The following CLDN14 variants were observed in gnomAD, a reference collection of about 807,000 sequenced individuals.
CLDN14 encodes claudin 14, also known as claudin-14.
CLDN14 carries 2 observed loss-of-function variants against 2.1 expected under a neutral mutation model. The ratio of observed to expected loss-of-function variants is 0.96; its 90% confidence interval spans 0.39 to 3.01. The LOEUF (loss-of-function observed/expected upper bound fraction) is 3.01. Among genes scored for constraint, CLDN14 ranks in the 30% most tolerant of loss-of-function variants. The pLI, the probability that CLDN14 is intolerant of heterozygous loss-of-function variation, is 0.09. For missense variants in CLDN14, 298 were observed against 328.0 expected (o/e 0.91, Z 0.71); for synonymous variants, 136 against 154.4 (o/e 0.88, Z 0.88).
In CLDN14 at chr21:36,461,342, G is replaced by A. The variant is rs2086569200; in HGVS notation, c.354C>T (p.Ala118=). The change falls in exon 2 of 2, where the codon GCC becomes GCT. Residue 118 remains alanine (A), a synonymous_variant. Transcript: ENST00000399135. The stretch of plus-strand genomic sequence containing the variant: ...GGATGAAGAGGGTGCCGCCGAGGAT[G>A]GCAAAGGTGGTCTTGGCGGGTGTGC... The part of the protein sequence containing the change: ...AKGTPAKTTF[A]ILGGTLFILA... 8 of 1,613,574 alleles carry A rather than the reference G, an allele frequency of 5.0e-6. No individual in the cohort carries two copies. The highest frequency in any genetic ancestry group is 1.1e-5 in the South Asian group (1 of 91,078).
chr21:36,478,591 A>T (rs2086805026), intron 1 of CLDN14, among the ~76,000 whole-genome samples: 1 of 152,266 alleles, frequency 6.6e-6, no homozygotes, highest in East Asian at 1.9e-4. Context: ...CGCTGAGCTC[A>T]GATGACAGCA....
chr21:36,563,817 C>A (rs2087654214), intron 1 of CLDN14, among the ~76,000 whole-genome samples: 1 of 152,132 alleles, frequency 6.6e-6, no homozygotes, highest in Non-Finnish European at 1.5e-5. Context: ...TGCGTGGTCT[C>A]CTCTGGGACC....
At chr21:36,513,294 T>C (rs1287992683) in intron 1 of CLDN14, among the ~76,000 whole-genome samples, 3 of 152,178 alleles carry the variant, frequency 2.0e-5, no homozygotes, top group African/African-American at 7.2e-5. Context: ...TTCAACAGGA[T>C]AGCACCGTTT....
At chr21:36,574,719 AT>A (rs1044521394) in intron 1 of CLDN14, among the ~76,000 whole-genome samples, 1 of 152,176 alleles carries the variant, frequency 6.6e-6, no homozygotes, top group African/African-American at 2.4e-5. Flanking sequence ...ACCTAAATTA[AT>A]TTTTTTAAGT....
chr21:36,567,150 G>C (rs1418980149), intron 1 of CLDN14, among the ~76,000 whole-genome samples: 1 of 152,180 alleles, frequency 6.6e-6, no homozygotes, highest in Admixed American at 6.5e-5. Flanking sequence ...CCAACTATTA[G>C]GCGGCTTGGA....
intron 1 of CLDN14, among the ~76,000 whole-genome samples, chr21:36,522,615 C>T (rs915862208): frequency 2.0e-5 from 3 of 152,234 alleles, no homozygotes; most frequent in South Asian, 2.1e-4. Context: ...TGCAGATGCG[C>T]GGGGGAGGTA....
At position 36,502,412 on chromosome 21, in the gene CLDN14, A is replaced by T. The variant is rs142709818; in HGVS notation, c.-82+7951T>A. 6.6e-3 allele frequency among the ~76,000 whole-genome samples: 1,001 copies of T among 152,292 alleles called. 6 individuals carry two copies. Among genetic ancestry groups the T allele is most frequent in the African/African-American group, 0.023 (943 of 41,574 alleles). ...AAGAGCATTATGCCATCTCTGTAGT[A>T]TGCTTAGGGGTCAGTCCTGAAATGA... On this transcript the variant is annotated intron_variant, in intron 2 of 2. Coordinates refer to the CLDN14 transcript ENST00000342108.
intron 1 of CLDN14, among the ~76,000 whole-genome samples, chr21:36,547,004 C>T (rs2087530366): frequency 1.3e-5 from 2 of 152,136 alleles, no homozygotes; most frequent in Admixed American, 1.3e-4. Context: ...TGCTCAATGC[C>T]CTACAACGCA....
At chr21:36,486,065 GC>G in intron 2 of CLDN14, 1 of 1,404,382 alleles carries the variant, frequency 7.1e-7, no homozygotes, top group South Asian at 1.2e-5. Flanking sequence ...GTTTCAAATG[GC>G]TTCATTGTTG....
At chr21:36,537,345 A>G (rs2087431840) in intron 1 of CLDN14, among the ~76,000 whole-genome samples, 1 of 152,216 alleles carries the variant, frequency 6.6e-6, no homozygotes, top group South Asian at 2.1e-4. Context: ...ACTGTTCTAG[A>G]TTGAAGTTGA....
chr21:36,574,845 C>T (rs1164988769), intron 1 of CLDN14, among the ~76,000 whole-genome samples: 2 of 152,032 alleles, frequency 1.3e-5, no homozygotes, highest in Admixed American at 6.5e-5. Context: ...TTTTACATCC[C>T]TGTTACATTT....
rs2087071769 is a variant in CLDN14 at position 36,499,361 on chromosome 21, T to C, written c.-82+11002A>G. Among the ~76,000 whole-genome samples, 1 of 152,216 alleles carries C rather than the reference T, an allele frequency of 6.6e-6. No homozygotes were observed. The highest frequency in any genetic ancestry group is 6.5e-5 in the Admixed American group (1 of 15,268). ...GCCTCCTGGGTTCAAGCGATTCTCCTGCCTCAGCCTCCCAAGTTTTTACTT... is the reference window on the plus strand; with the variant it reads ...GCCTCCTGGGTTCAAGCGATTCTCCCGCCTCAGCCTCCCAAGTTTTTACTT... On this transcript the variant is annotated intron_variant, in intron 2 of 2. Coordinates refer to the CLDN14 transcript ENST00000342108. The surrounding 1 kb of genome is among the most constrained non-coding windows in gnomAD (Gnocchi z 4.7).
chr21:36,508,539 A>T (rs961986115), intron 2 of CLDN14, among the ~76,000 whole-genome samples: 1 of 152,228 alleles, frequency 6.6e-6, no homozygotes, highest in African/African-American at 2.4e-5. Context: ...GTCATGGCCT[A>T]TCTGACAGAT....
At chr21:36,474,619 C>A (rs2086751694) in intron 1 of CLDN14, among the ~76,000 whole-genome samples, 1 of 152,154 alleles carries the variant, frequency 6.6e-6, no homozygotes, top group Admixed American at 6.5e-5. Context: ...TCCCGCCACC[C>A]AGAACAACAC....
chr21:36,553,827 C>A (rs2087579159), intron 1 of CLDN14, among the ~76,000 whole-genome samples: 2 of 152,136 alleles, frequency 1.3e-5, no homozygotes, highest in South Asian at 4.1e-4. Flanking sequence ...GGCCGGCCCA[C>A]ATCATTCCAT....
At position 36,498,652 on chromosome 21, in the gene CLDN14, A is replaced by G. The variant is rs1413579174; in HGVS notation, c.-82+11711T>C. On this transcript the variant is annotated intron_variant, in intron 2 of 2. Coordinates refer to the CLDN14 transcript ENST00000342108. The surrounding 1 kb of genome is among the most constrained non-coding windows in gnomAD (Gnocchi z 4.9). ...CGATGGCTAAGCTCTCTTCCCCTCC[A>G]CCCTGGAAAAAATGAACATAGGATC... 1.3e-5 allele frequency among the ~76,000 whole-genome samples: 2 copies of G among 152,106 alleles called. No homozygotes were observed. Among genetic ancestry groups the G allele is most frequent in the Non-Finnish European group, 2.9e-5 (2 of 68,028 alleles).
chr21:36,553,944 C>T (rs1257247402), intron 1 of CLDN14, among the ~76,000 whole-genome samples: 2 of 152,120 alleles, frequency 1.3e-5, no homozygotes, highest in Non-Finnish European at 1.5e-5. Flanking sequence ...TTGGCTATGG[C>T]GAATATAGCG....
intron 2 of CLDN14, chr21:36,487,027 T>C (rs2086905300): frequency 7.1e-6 from 2 of 282,112 alleles, no homozygotes; most frequent in Non-Finnish European, 1.4e-5. Context: ...CTCTGTCACC[T>C]AGGCTGGTGT....
intron 2 of CLDN14, among the ~76,000 whole-genome samples, chr21:36,508,332 C>A (rs1362908448): frequency 6.6e-6 from 1 of 152,126 alleles, no homozygotes; most frequent in Non-Finnish European, 1.5e-5. Flanking sequence ...CCAGGCAGCT[C>A]AAGTTGCCTT....
Sources: gnomAD v4.1 joint callset for allele counts (sites outside exome capture counted in the v4.1 genomes callset) on GRCh38, gnomAD v4.1.1 for gene constraint, Gnocchi (gnomAD v3.1) non-coding constraint, MANE v1.5 for transcripts, NCBI Gene and HGNC (gene_info 2026-07-23, HGNC 2026-07-21) for gene names.